RAB11FIP4: variants seen among roughly 807,000 people sequenced by gnomAD.
The protein encoded by RAB11FIP4 is rab11 family-interacting protein 4.
Under a neutral mutation model 74.3 loss-of-function variants are expected in RAB11FIP4, and 23 were observed. That is an observed-to-expected ratio of 0.31 (90% confidence interval 0.22 to 0.44). RAB11FIP4 has a LOEUF of 0.44. RAB11FIP4 is among the 20% of genes least tolerant of loss of function. RAB11FIP4 has a pLI of 1.00. For synonymous variants in RAB11FIP4, 360 were observed against 359.9 expected (o/e 1.00, Z 0.00); for missense variants, 630 against 863.9 (o/e 0.73, Z 3.39).
rs1054603949 is a variant in RAB11FIP4, at chr17:31,533,941, C to T, written c.*2209C>T. ...AGCTCACACACACCTCAAGTCCAAC[C>T]TTACTTTCTTCAGCCAGAATACATT... On this transcript the variant is annotated 3_prime_UTR_variant, in exon 15 of 15. Transcript: ENST00000621161. 5 of 152,248 alleles carry T rather than the reference C, an allele frequency of 3.3e-5. No individual in the cohort carries two copies. The highest frequency in any genetic ancestry group is 1.2e-4 in the African/African-American group (5 of 41,472). The allele number at this position is 152,248 out of a possible 1,614,324, so 9.4% of individuals were successfully genotyped here.
intron 1 of RAB11FIP4, among the ~76,000 whole-genome samples, chr17:31,425,183 T>A (rs150637256): frequency 6.6e-6 from 1 of 152,202 alleles, no homozygotes; most frequent in Admixed American, 6.5e-5. Context: ...GGAATAATAA[T>A]GGTATCTGCT....
At chr17:31,398,361 C>A (rs1189589991) in intron 1 of RAB11FIP4, among the ~76,000 whole-genome samples, 1 of 152,144 alleles carries the variant, frequency 6.6e-6, no homozygotes, top group Non-Finnish European at 1.5e-5. Context: ...CTTGACGAAG[C>A]CTGAATCCAT....
intron 11 of RAB11FIP4, 103 bp downstream of exon 11, chr17:31,528,026 C>A: frequency 4.7e-6 from 4 of 848,074 alleles, no homozygotes; most frequent in Admixed American, 3.0e-5. Flanking sequence ...CTAAGAAATG[C>A]AAAAAAAGTG....
chr17:31,454,599 T>C (rs1234022439), intron 3 of RAB11FIP4, among the ~76,000 whole-genome samples: 1 of 151,574 alleles, frequency 6.6e-6, no homozygotes, highest in Non-Finnish European at 1.5e-5. Context: ...AGATGGAAAC[T>C]CAGTCAGGCG....
chr17:31,505,537 TTATA>T (rs1276931589), intron 3 of RAB11FIP4, among the ~76,000 whole-genome samples: 1 of 62,504 alleles, frequency 1.6e-5, no homozygotes, highest in Non-Finnish European at 3.2e-5. Context: ...TATATAATTA[TTATA>T]TATTATATAT....
rs192861907 is a variant in RAB11FIP4, at chr17:31,533,073, T to G, written c.*1341T>G. ...TATTCTTCCCCCTGCAGTTTCTTGC[T>G]TTCTTCAGCACATCTTATAGTATGA... On this transcript the variant is annotated 3_prime_UTR_variant, in exon 15 of 15. Coordinates refer to ENST00000621161, the MANE Select transcript of RAB11FIP4 (RefSeq NM_032932.6). 6.6e-6 allele frequency: 1 copy of G among 152,344 alleles called. No individual in the cohort carries two copies. Among genetic ancestry groups the G allele is most frequent in the Non-Finnish European group, 1.5e-5 (1 of 68,036 alleles). 9.4% of individuals were successfully genotyped at this position (152,344 alleles called of 1,614,324 possible).
rs2072887829 is a variant in RAB11FIP4 at position 31,532,441 on chromosome 17, TC to T, written c.*713del. Reference sequence around the variant, plus strand: ...CACTCCCCCATCCATGCTACCTACCTCCCCGTTTCTGTTTCAGTTTTAAGAC... The same window carrying T: ...CACTCCCCCATCCATGCTACCTACCTCCCGTTTCTGTTTCAGTTTTAAGAC... On this transcript the variant is annotated 3_prime_UTR_variant, in exon 15 of 15. Coordinates refer to ENST00000621161, the MANE Select transcript of RAB11FIP4 (RefSeq NM_032932.6). The T allele has an allele frequency of 6.6e-6, 1 of 152,594 alleles. No homozygotes were observed. Among genetic ancestry groups the T allele is most frequent in the African/African-American group, 2.4e-5 (1 of 41,400 alleles). The allele number at this position is 152,594 out of a possible 1,614,324, so 9.5% of individuals were successfully genotyped here.
In RAB11FIP4 at chr17:31,474,648, G is replaced by A. The variant is rs1027023902; in HGVS notation, c.336+40526G>A. On this transcript the variant is annotated intron_variant, in intron 3 of 14. Transcript: ENST00000621161. ...TGCGCCACTGCACTCCAGCCTGGGG[G>A]ACAGAGCTAGACTCCATCTCAAAAA... is the stretch of plus-strand genomic sequence containing the variant. Among the ~76,000 whole-genome samples, 5 of 144,434 alleles carry A rather than the reference G, an allele frequency of 3.5e-5. No homozygotes were observed. The East Asian group carries it at 1.0e-3, about 30-fold the overall frequency. 94.8% of individuals were successfully genotyped at this position (144,434 alleles called of 152,430 possible). A position where few individuals can be genotyped will look rare whatever the true frequency, so the allele number is the denominator to read the frequency against.
chr17:31,465,168 C>T (rs943191870), intron 3 of RAB11FIP4, among the ~76,000 whole-genome samples: 55 of 152,202 alleles, frequency 3.6e-4, no homozygotes, highest in African/African-American at 1.3e-3. Context: ...CTTCCCAAGG[C>T]TATGTTGAGG....
intron 1 of RAB11FIP4, among the ~76,000 whole-genome samples, chr17:31,407,922 C>T (rs2071057749): frequency 6.6e-6 from 1 of 152,104 alleles, no homozygotes; most frequent in African/African-American, 2.4e-5. Flanking sequence ...ATGCCCCTTG[C>T]CTGAGTAAAT....
intron 3 of RAB11FIP4, among the ~76,000 whole-genome samples, chr17:31,444,825 C>T (rs1310124472): frequency 6.6e-6 from 1 of 152,166 alleles, no homozygotes; most frequent in East Asian, 1.9e-4. Context: ...ATTTCAGCAT[C>T]CTTTCTTTCC....
At position 31,402,811 on chromosome 17, in the gene RAB11FIP4, G is replaced by A. The variant is rs1597897798; in HGVS notation, c.159+10800G>A. On this transcript the variant is annotated intron_variant, in intron 1 of 14. Transcript: ENST00000621161. ...TAATTTTTTTTTTGTATTTTTAGTA[G>A]AGACGGGGTTTCACCGTGTTAGCCA... 2.6e-5 allele frequency among the ~76,000 whole-genome samples: 4 copies of A among 151,448 alleles called. No individual in the cohort carries two copies. In the East Asian group the frequency reaches 5.9e-4, roughly 22 times the overall value.
intron 1 of RAB11FIP4, among the ~76,000 whole-genome samples, chr17:31,415,407 A>G (rs749353196): frequency 2.6e-5 from 4 of 152,164 alleles, no homozygotes; most frequent in Non-Finnish European, 4.4e-5. Flanking sequence ...GTAATTCCCC[A>G]GGGCCACACC....
At chr17:31,413,606 C>T (rs1038648263) in intron 1 of RAB11FIP4, among the ~76,000 whole-genome samples, 33 of 152,122 alleles carry the variant, frequency 2.2e-4, no homozygotes, top group African/African-American at 7.5e-4. Flanking sequence ...CGCCCCGCTT[C>T]TTGAATTCCC....
chr17:31,450,700 T>A (rs754474624), intron 3 of RAB11FIP4, among the ~76,000 whole-genome samples: 29 of 151,932 alleles, frequency 1.9e-4, no homozygotes, highest in Non-Finnish European at 3.7e-4. Flanking sequence ...GGGAGCTGGT[T>A]GGTCCCAGAA....
intron 3 of RAB11FIP4, among the ~76,000 whole-genome samples, chr17:31,516,228 CT>C (rs1280763995): frequency 6.6e-6 from 1 of 151,334 alleles, no homozygotes; most frequent in African/African-American, 2.4e-5. Context: ...AGTTGTGCAG[CT>C]TTCACTGCAC....
At chr17:31,416,154 T>C (rs1242244735) in intron 1 of RAB11FIP4, among the ~76,000 whole-genome samples, 1 of 152,176 alleles carries the variant, frequency 6.6e-6, no homozygotes, top group Non-Finnish European at 1.5e-5. Context: ...GTTGCCTTCT[T>C]GAAATTCGTG....
intron 1 of RAB11FIP4, among the ~76,000 whole-genome samples, chr17:31,424,007 A>C (rs542694803): frequency 2.0e-5 from 3 of 152,148 alleles, no homozygotes; most frequent in African/African-American, 7.2e-5. Flanking sequence ...GACCCAGGGC[A>C]CTTCTCCCAC....
At chr17:31,493,821 G>A (rs2072060645) in intron 3 of RAB11FIP4, among the ~76,000 whole-genome samples, 1 of 152,100 alleles carries the variant, frequency 6.6e-6, no homozygotes, top group African/African-American at 2.4e-5. Context: ...TGGTTCTGTG[G>A]GGTCCTAAGG....
Sources: gnomAD v4.1 joint callset for allele counts (sites outside exome capture counted in the v4.1 genomes callset) on GRCh38, gnomAD v4.1.1 for gene constraint, MANE v1.5 for transcripts, NCBI Gene and HGNC (gene_info 2026-07-23, HGNC 2026-07-21) for gene names.